The following ANKRD33B variants were observed in gnomAD, a reference collection of about 807,000 sequenced individuals.
The protein encoded by ANKRD33B is ankyrin repeat domain-containing protein 33B.
A neutral mutation model predicts 21.5 loss-of-function variants in ANKRD33B; 6 were observed. That is an observed-to-expected ratio of 0.28 (90% CI 0.15 to 0.55). The LOEUF is 0.55. Among genes scored for constraint, ANKRD33B ranks in the 20% least tolerant of loss-of-function variants. The pLI, the probability that ANKRD33B is intolerant of heterozygous loss-of-function variation, is 0.94. For missense variants in ANKRD33B, 698 were observed against 747.2 expected, an observed-to-expected ratio of 0.93 and a Z score of 0.77; for synonymous variants, 347 against 342.4, an observed-to-expected ratio of 1.01 and a Z score of -0.15.
chr5:10,637,953 T>C, intron 2 of ANKRD33B, 75 bp from the exon 3 acceptor site: 1 of 1,486,940 alleles, frequency 6.7e-7, no homozygotes, highest in Non-Finnish European at 9.0e-7. Flanking sequence ...TCTTTCTCTC[T>C]CTAGGAAGGC....
intron 1 of ANKRD33B, among the ~76,000 whole-genome samples, chr5:10,579,079 A>T (rs1735383092): frequency 6.6e-6 from 1 of 151,276 alleles, no homozygotes; most frequent in Non-Finnish European, 1.5e-5. Context: ...TTGGAGAATC[A>T]TCTGAGCCCA....
At chr5:10,572,642 C>T (rs1482139400) in intron 1 of ANKRD33B, among the ~76,000 whole-genome samples, 2 of 152,266 alleles carry the variant, frequency 1.3e-5, no homozygotes, top group Non-Finnish European at 2.9e-5. Context: ...TAGTGTCAGG[C>T]AGCCCCGTCT....
chr5:10,584,767 A>G (rs1009727446), intron 1 of ANKRD33B, among the ~76,000 whole-genome samples: 4 of 152,170 alleles, frequency 2.6e-5, no homozygotes, highest in African/African-American at 9.7e-5. Context: ...TGGGGGTGAG[A>G]AACAATAACA....
At chr5:10,612,719 C>T (rs1736199143) in intron 1 of ANKRD33B, among the ~76,000 whole-genome samples, 1 of 152,182 alleles carries the variant, frequency 6.6e-6, no homozygotes, top group African/African-American at 2.4e-5. Context: ...CCCACCCCGT[C>T]CCCAGCGCAA....
intron 1 of ANKRD33B, among the ~76,000 whole-genome samples, chr5:10,584,039 T>TAG (rs1735502822): frequency 6.6e-6 from 1 of 152,172 alleles, no homozygotes; most frequent in Non-Finnish European, 1.5e-5. Context: ...GTGAGCAGCC[T>TAG]AGAAGACGAG....
intron 1 of ANKRD33B, among the ~76,000 whole-genome samples, chr5:10,610,918 A>G (rs1245570730): frequency 6.6e-6 from 1 of 151,900 alleles, no homozygotes; most frequent in Admixed American, 6.6e-5. Context: ...GTGGCGGGAG[A>G]CTGTAATCCC....
chr5:10,655,731 G>A lies in ANKRD33B; in HGVS notation c.*5618G>A, dbSNP rs922240366. On this transcript the variant is annotated 3_prime_UTR_variant, in exon 4 of 4. Coordinates refer to ENST00000296657, the MANE Select transcript of ANKRD33B (RefSeq NM_001164440.2). The stretch of plus-strand genomic sequence containing the variant: ...TTGGGGAAATTCTAACACATTTCCC[G>A]GGGATTTGCCCAGGTCCCTCCACCT... 3.9e-5 allele frequency: 6 copies of A among 152,262 alleles called. No homozygotes were observed. The highest frequency in any genetic ancestry group is 4.8e-5 in the African/African-American group (2 of 41,432). 9.4% of individuals were successfully genotyped at this position (152,262 alleles called of 1,614,324 possible). A position where few individuals can be genotyped will look rare whatever the true frequency, so the allele number is the denominator to read the frequency against.
chr5:10,580,635 C>T (rs190854537), intron 1 of ANKRD33B, among the ~76,000 whole-genome samples: 37 of 152,170 alleles, frequency 2.4e-4, no homozygotes, highest in African/African-American at 6.0e-4. Flanking sequence ...GTCCTGCCTC[C>T]GGTTTGGGGT....
intron 1 of ANKRD33B, among the ~76,000 whole-genome samples, chr5:10,610,340 G>A (rs543248342): frequency 6.6e-5 from 10 of 152,244 alleles, no homozygotes; most frequent in African/African-American, 2.2e-4. Context: ...CATAAATGAG[G>A]GTAGGAGATG....
Position 10,618,365 on chromosome 5 carries a change from TG to T in ANKRD33B, c.400del (p.Val134TrpfsTer7). On this transcript the variant is annotated frameshift_variant, in exon 2 of 4. Coordinates refer to ENST00000296657, the MANE Select transcript of ANKRD33B (RefSeq NM_001164440.2). LOFTEE classifies it high-confidence loss of function. ...GLIVACYHGF[V>X]DTVVALAECP... ...TTATTGTCGCCTGCTACCACGGCTT[TG>T]TGGATACCGTGGTGGCCTTAGCAGA... The T allele has an allele frequency of 2.6e-6, 4 of 1,537,806 alleles. No individual in the cohort carries two copies. Among genetic ancestry groups the T allele is most frequent in the Non-Finnish European group, 2.6e-6 (3 of 1,147,020 alleles).
chr5:10,573,806 T>C (rs1735257597), intron 1 of ANKRD33B, among the ~76,000 whole-genome samples: 1 of 152,166 alleles, frequency 6.6e-6, no homozygotes, highest in African/African-American at 2.4e-5. Flanking sequence ...TCCAGTCACC[T>C]CCCACCAGGC....
intron 1 of ANKRD33B, among the ~76,000 whole-genome samples, chr5:10,599,274 G>A (rs1579725550): frequency 6.6e-6 from 1 of 151,354 alleles, no homozygotes; most frequent in East Asian, 1.9e-4. Context: ...CAACTTTATT[G>A]ACAATTCATC....
At chr5:10,618,201 T>A in intron 1 of ANKRD33B, 132 bp from the exon 2 acceptor site, 1 of 1,219,134 alleles carries the variant, frequency 8.2e-7, no homozygotes, top group Non-Finnish European at 1.1e-6. Context: ...TCTCTGAGAA[T>A]TGGGACTCCA....
At position 10,651,786 on chromosome 5, in the gene ANKRD33B, G is replaced by T; in HGVS notation, c.*1673G>T. The T allele has an allele frequency of 6.6e-6, 1 of 152,482 alleles. No individual in the cohort carries two copies. The highest frequency in any genetic ancestry group is 1.5e-5 in the Non-Finnish European group (1 of 68,102). The allele number at this position is 152,482 out of a possible 1,614,324, so 9.4% of individuals were successfully genotyped here. A position where few individuals can be genotyped will look rare whatever the true frequency, so the allele number is the denominator to read the frequency against. On this transcript the variant is annotated 3_prime_UTR_variant, in exon 4 of 4. Coordinates refer to ENST00000296657, the MANE Select transcript of ANKRD33B (RefSeq NM_001164440.2). Reference sequence around the variant, plus strand: ...CTTCCACTTGGCACCAGCAGGCATCGAGCAACCAGGGATCTTAAACTGGCC... The same window carrying T: ...CTTCCACTTGGCACCAGCAGGCATCTAGCAACCAGGGATCTTAAACTGGCC...
chr5:10,619,365 C>T lies in ANKRD33B; in HGVS notation c.496+903C>T, dbSNP rs1736362147. On this transcript the variant is annotated intron_variant, in intron 2 of 3. Coordinates refer to ENST00000296657, the MANE Select transcript of ANKRD33B (RefSeq NM_001164440.2). This position sits in a 1 kb window ranked among gnomAD's most constrained non-coding sequence, Gnocchi z 4.5. Reference sequence around the variant, plus strand: ...CAGGGCCTGGAAACTGGAGGAAGTGCCCCCGACCACACTGTATGTTGATTC... The same window carrying T: ...CAGGGCCTGGAAACTGGAGGAAGTGTCCCCGACCACACTGTATGTTGATTC... 1.0e-6 allele frequency: 1 copy of T among 985,358 alleles called. No homozygotes were observed. Among genetic ancestry groups the T allele is most frequent in the Non-Finnish European group, 1.2e-6 (1 of 829,886 alleles). 61.0% of individuals were successfully genotyped at this position (985,358 alleles called of 1,614,324 possible).
Position 10,655,547 on chromosome 5 carries a change from CTT to C in ANKRD33B, c.*5436_*5437del, listed in dbSNP as rs1371835559. On this transcript the variant is annotated 3_prime_UTR_variant, in exon 4 of 4. Coordinates refer to ENST00000296657, the MANE Select transcript of ANKRD33B (RefSeq NM_001164440.2). ...GCCCTGATGTGCACCCTGCACTACTCTTTCCCCAGGTGCGCCGGAGACGCAGG... is the reference window on the plus strand; with the variant it reads ...GCCCTGATGTGCACCCTGCACTACTCTCCCCAGGTGCGCCGGAGACGCAGG... The C allele has an allele frequency of 6.6e-6, 1 of 152,414 alleles. No homozygotes were observed. The highest frequency in any genetic ancestry group is 2.4e-5 in the African/African-American group (1 of 41,462). The allele number at this position is 152,414 out of a possible 1,614,324, so 9.4% of individuals were successfully genotyped here. A position where few individuals can be genotyped will look rare whatever the true frequency, so the allele number is the denominator to read the frequency against.
chr5:10,569,285 A>G (rs368097960), intron 1 of ANKRD33B, among the ~76,000 whole-genome samples: 1 of 152,196 alleles, frequency 6.6e-6, no homozygotes, highest in African/African-American at 2.4e-5. Context: ...GCCTGCAAGC[A>G]CAAGCTTTGC....
chr5:10,591,340 G>A (rs1579720868), intron 1 of ANKRD33B, among the ~76,000 whole-genome samples: 1 of 151,810 alleles, frequency 6.6e-6, no homozygotes, highest in Non-Finnish European at 1.5e-5. Flanking sequence ...CAACAGGTGC[G>A]TGCCACCATG....
At chr5:10,613,338 G>C (rs922307504) in intron 1 of ANKRD33B, among the ~76,000 whole-genome samples, 17 of 149,728 alleles carry the variant, frequency 1.1e-4, no homozygotes, top group African/African-American at 4.0e-4. Flanking sequence ...AGGCTGGAGT[G>C]CAGTGGCACG....
Sources: gnomAD v4.1 joint callset for allele counts (sites outside exome capture counted in the v4.1 genomes callset) on GRCh38, gnomAD v4.1.1 for gene constraint, Gnocchi (gnomAD v3.1) non-coding constraint, MANE v1.5 for transcripts, NCBI Gene and HGNC (gene_info 2026-07-23, HGNC 2026-07-21) for gene names.